The following PCDHGA4 variants were observed in gnomAD, a reference collection of about 807,000 sequenced individuals.
PCDHGA4 encodes protocadherin gamma-A4.
Under a neutral mutation model 54.6 loss-of-function variants are expected in PCDHGA4, and 38 were observed. That is an observed-to-expected ratio of 0.70 (90% CI 0.54 to 0.91). The LOEUF (loss-of-function observed/expected upper bound fraction) is 0.91. Ranked by LOEUF, PCDHGA4 falls within the 40% of genes least tolerant of loss-of-function variation. The probability of loss-of-function intolerance (pLI) is 0.00; values close to 1 mark genes in which losing one functional copy is unlikely to be tolerated. For missense variants in PCDHGA4, 1,298 were observed against 1,220.9 expected, an observed-to-expected ratio of 1.06 and a Z score of -0.94; for synonymous variants, 511 against 512.9, an observed-to-expected ratio of 1.00 and a Z score of 0.05.
chr5:141,509,830 T>A (rs1328716142), intron 3 of PCDHGA4, among the ~76,000 whole-genome samples: 1 of 152,204 alleles, frequency 6.6e-6, no homozygotes, highest in African/African-American at 2.4e-5. Flanking sequence ...ATCTTCTCTC[T>A]ACCTCCCATT....
Position 141,355,215 on chromosome 5 carries a change from T to C in PCDHGA4, c.108T>C (p.Pro36=), listed in dbSNP as rs759941889. Residue 36 remains proline, a synonymous_variant, in exon 1 of 4, where the codon CCT becomes CCC. Transcript: ENST00000571252. ...GCGGGGTTGTAATGGCGGCGCCTCC[T>C]GCTCGCCCAGACCACACCCGGCTGC... ...LRGGVVMAAP[P]ARPDHTRLLQ... 19 of 1,603,386 alleles carry C rather than the reference T, an allele frequency of 1.2e-5. No homozygotes were observed. The highest frequency in any genetic ancestry group is 1.5e-5 in the Non-Finnish European group (18 of 1,173,902).
intron 1 of PCDHGA4, chr5:141,408,762 A>G (rs369793035): frequency 1.9e-5 from 30 of 1,610,942 alleles, no homozygotes; most frequent in Non-Finnish European, 2.3e-5. Flanking sequence ...GTTAATTCCG[A>G]TGGTGGCAAA....
intron 1 of PCDHGA4, among the ~76,000 whole-genome samples, chr5:141,437,588 A>G (rs1399641711): frequency 6.6e-6 from 1 of 152,134 alleles, no homozygotes; most frequent in African/African-American, 2.4e-5. Context: ...CATGAATTGG[A>G]TAGTTCTGGT....
chr5:141,444,947 C>G (rs2098452252), intron 1 of PCDHGA4, among the ~76,000 whole-genome samples: 1 of 152,054 alleles, frequency 6.6e-6, no homozygotes, highest in Non-Finnish European at 1.5e-5. Context: ...GGAGGAGGAT[C>G]ATCTTAACAA....
At chr5:141,414,360 A>G (rs1177384414) in intron 1 of PCDHGA4, 1 of 1,613,800 alleles carries the variant, frequency 6.2e-7, no homozygotes, top group Non-Finnish European at 8.5e-7. Context: ...CGTATCTACC[A>G]TTTAAATTAG....
chr5:141,376,212 T>C lies in PCDHGA4; in HGVS notation c.2514+18591T>C, dbSNP rs200049429. ...TGCGTCTTCCTGGCCTTCGTCATCGTGCTGCTGGCGCTCAGACTGCAGCGC... is the reference window on the plus strand; with the variant it reads ...TGCGTCTTCCTGGCCTTCGTCATCGCGCTGCTGGCGCTCAGACTGCAGCGC... On this transcript the variant is annotated intron_variant, in intron 1 of 3. Transcript: ENST00000571252. The C allele has an allele frequency of 1.9e-5, 31 of 1,614,098 alleles. No homozygotes were observed. Among genetic ancestry groups the C allele is most frequent in the Non-Finnish European group, 1.7e-6 (2 of 1,180,044 alleles).
Position 141,413,187 on chromosome 5 carries a change from A to G in PCDHGA4, c.2514+55566A>G, listed in dbSNP as rs778441437. The G allele has an allele frequency of 6.2e-6, 10 of 1,606,328 alleles. No individual in the cohort carries two copies. The African/African-American group carries it at 1.3e-4, about 22-fold the overall frequency. On this transcript the variant is annotated intron_variant, in intron 1 of 3. Transcript: ENST00000571252. Reference sequence around the variant, plus strand: ...GTAACCAGACTACAATGGCCGCTCAAAGGAATCGCTCAAAGGAATCAAAGG... The same window carrying G: ...GTAACCAGACTACAATGGCCGCTCAGAGGAATCGCTCAAAGGAATCAAAGG...
chr5:141,409,513 C>G (rs2095276446), intron 1 of PCDHGA4: 1 of 1,614,030 alleles, frequency 6.2e-7, no homozygotes, highest in South Asian at 1.1e-5. Flanking sequence ...CCAGTAGAAG[C>G]ATCACCTTGT....
chr5:141,418,517 C>G, intron 1 of PCDHGA4: 1 of 1,613,918 alleles, frequency 6.2e-7, no homozygotes. Flanking sequence ...TGGTGGGGAC[C>G]CTCCCCGAAG....
At chr5:141,502,309 T>G (rs1395136136) in intron 2 of PCDHGA4, among the ~76,000 whole-genome samples, 2 of 152,196 alleles carry the variant, frequency 1.3e-5, no homozygotes, top group Admixed American at 6.5e-5. Flanking sequence ...TTTCCTCTCC[T>G]TTAATCTGGA....
intron 1 of PCDHGA4, chr5:141,370,500 G>T (rs781752977): frequency 6.2e-7 from 1 of 1,613,922 alleles, no homozygotes; most frequent in Admixed American, 1.7e-5. Flanking sequence ...GATCCGCTAC[G>T]CTATTCCCGA....
intron 1 of PCDHGA4, chr5:141,395,582 G>T (rs1200378126): frequency 5.5e-6 from 1 of 181,100 alleles, no homozygotes; most frequent in Non-Finnish European, 1.1e-5. Flanking sequence ...GTGTGTGTGT[G>T]TGTGTGTGTA....
chr5:141,384,576 G>A (rs757254740), intron 1 of PCDHGA4: 18 of 1,614,060 alleles, frequency 1.1e-5, no homozygotes, highest in South Asian at 7.7e-5. Context: ...ATGACAACCC[G>A]CCCGAGATCC....
rs2099710219 is a variant in PCDHGA4, at chr5:141,491,289, C to A, written c.2515-3518C>A. On this transcript the variant is annotated intron_variant, in intron 1 of 3. Transcript: ENST00000571252. The surrounding 1 kb of genome is among the most constrained non-coding windows in gnomAD (Gnocchi z 6.9). The stretch of plus-strand genomic sequence containing the variant: ...CCAAATCCAGTGACTTCCTCATACA[C>A]CCTCCTGAGCGTTCAGACCTTACCC... 1 of 1,614,112 alleles carries A rather than the reference C, an allele frequency of 6.2e-7. No homozygotes were observed. Among genetic ancestry groups the A allele is most frequent in the Non-Finnish European group, 8.5e-7 (1 of 1,179,942 alleles).
chr5:141,370,570 G>A (rs1373345113), intron 1 of PCDHGA4: 2 of 1,613,946 alleles, frequency 1.2e-6, no homozygotes, highest in African/African-American at 1.3e-5. Flanking sequence ...TTTGGCGTGG[G>A]GGATTTACCT....
chr5:141,429,330 T>C (rs2097204620), intron 1 of PCDHGA4, among the ~76,000 whole-genome samples: 1 of 152,188 alleles, frequency 6.6e-6, no homozygotes, highest in East Asian at 1.9e-4. Flanking sequence ...CTTTAATCCA[T>C]TAACTATAAA....
intron 1 of PCDHGA4, chr5:141,361,508 T>C: frequency 1.9e-6 from 3 of 1,614,028 alleles, no homozygotes; most frequent in East Asian, 4.5e-5. Context: ...ACTTCCTACA[T>C]GGTTCACGTG....
At chr5:141,496,479 CAACCAACCA>C (rs1199646129) in intron 2 of PCDHGA4, among the ~76,000 whole-genome samples, 1 of 152,180 alleles carries the variant, frequency 6.6e-6, no homozygotes, top group Non-Finnish European at 1.5e-5. Context: ...CCCCATCCTG[CAACCAACCA>C]AACCCTTGTT....
At position 141,400,132 on chromosome 5, in the gene PCDHGA4, C is replaced by T. The variant is rs762060556; in HGVS notation, c.2514+42511C>T. 6.3e-5 allele frequency: 101 copies of T among 1,613,964 alleles called. No individual in the cohort carries two copies. The highest frequency in any genetic ancestry group is 8.4e-5 in the Non-Finnish European group (99 of 1,179,904). On this transcript the variant is annotated intron_variant, in intron 1 of 3. Coordinates refer to ENST00000571252, the MANE Select transcript of PCDHGA4 (RefSeq NM_018917.4). ...TGCTGACAGCTTGCAGGAGGTGCTG[C>T]CGGATATCACTGACCGCCCTGTACC...
Sources: allele counts gnomAD v4.1 joint callset (sites outside exome capture counted in the v4.1 genomes callset), GRCh38; gene constraint gnomAD v4.1.1; non-coding constraint Gnocchi (gnomAD v3.1); transcripts MANE v1.5; gene names NCBI Gene and HGNC (gene_info 2026-07-23, HGNC 2026-07-21).